The following LTBP1 variants were observed in gnomAD, a reference collection of about 807,000 sequenced individuals.
LTBP1 encodes the protein latent transforming growth factor beta binding protein 1.
A neutral mutation model predicts 207.6 loss-of-function variants in LTBP1; 129 were observed. The ratio of observed to expected loss-of-function variants is 0.62; its 90% CI spans 0.54 to 0.72. The LOEUF (loss-of-function observed/expected upper bound fraction) is 0.72. Among genes scored for constraint, LTBP1 ranks in the 30% least tolerant of loss-of-function variants. The probability of loss-of-function intolerance (pLI) is 0.00; values close to 1 mark genes in which losing one functional copy is unlikely to be tolerated. For synonymous variants in LTBP1, 963 were observed against 833.7 expected, an observed-to-expected ratio of 1.16 and a Z score of -2.67; for missense variants, 2,281 against 2,217.2, an observed-to-expected ratio of 1.03 and a Z score of -0.58.
chr2:33,128,378 GA>G (rs2081570562), intron 4 of LTBP1, among the ~76,000 whole-genome samples: 1 of 152,230 alleles, frequency 6.6e-6, no homozygotes, highest in Non-Finnish European at 1.5e-5. Flanking sequence ...ATGCGTAGTA[GA>G]GATGGAAGAC....
intron 5 of LTBP1, among the ~76,000 whole-genome samples, chr2:33,141,471 T>A (rs532293852): frequency 6.6e-6 from 1 of 152,192 alleles, no homozygotes; most frequent in Non-Finnish European, 1.5e-5. Flanking sequence ...TTTAAAAATA[T>A]AGTATATGTG....
intron 4 of LTBP1, among the ~76,000 whole-genome samples, chr2:33,129,149 G>A (rs2081611182): frequency 6.6e-6 from 1 of 152,230 alleles, no homozygotes; most frequent in South Asian, 2.1e-4. Flanking sequence ...GGTAATAAAA[G>A]TGGAGAACGA....
At chr2:33,204,190 T>A (rs575659316) in intron 7 of LTBP1, among the ~76,000 whole-genome samples, 3 of 152,222 alleles carry the variant, frequency 2.0e-5, no homozygotes, top group East Asian at 1.9e-4. Context: ...ACTGTTTTTT[T>A]CCTTTCTCAT....
At chr2:33,187,743 T>A (rs2087363369) in intron 6 of LTBP1, among the ~76,000 whole-genome samples, 1 of 152,210 alleles carries the variant, frequency 6.6e-6, no homozygotes, top group Non-Finnish European at 1.5e-5. Context: ...AGATATAAAA[T>A]AATGCACTTT....
chr2:33,157,891 C>A (rs2084107625), intron 5 of LTBP1, among the ~76,000 whole-genome samples: 1 of 152,038 alleles, frequency 6.6e-6, no homozygotes, highest in Non-Finnish European at 1.5e-5. Context: ...CCTGTAATCC[C>A]AGCACTTTGG....
chr2:32,991,268 T>C (rs563561273), intron 2 of LTBP1, among the ~76,000 whole-genome samples: 1 of 152,362 alleles, frequency 6.6e-6, no homozygotes, highest in Admixed American at 6.5e-5. Flanking sequence ...AAATGGATCT[T>C]AGGTGGCCAG....
chr2:33,070,788 G>T (rs916963086), intron 3 of LTBP1, among the ~76,000 whole-genome samples: 1 of 152,172 alleles, frequency 6.6e-6, no homozygotes, highest in African/African-American at 2.4e-5. Flanking sequence ...GCTCAGAGGA[G>T]ACCCCAGTAG....
chr2:33,147,226 A>G (rs936520032), intron 5 of LTBP1, among the ~76,000 whole-genome samples: 4 of 152,174 alleles, frequency 2.6e-5, no homozygotes, highest in Non-Finnish European at 5.9e-5. Flanking sequence ...GGATATGTGT[A>G]TTTTGAAAAC....
chr2:33,321,727 A>C (rs1481665116), intron 24 of LTBP1, among the ~76,000 whole-genome samples: 4 of 152,218 alleles, frequency 2.6e-5, no homozygotes, highest in Non-Finnish European at 5.9e-5. Flanking sequence ...TGCTTAGCCC[A>C]AGATTTTCAG....
intron 21 of LTBP1, among the ~76,000 whole-genome samples, chr2:33,301,084 G>T (rs2093981247): frequency 6.6e-6 from 1 of 152,172 alleles, no homozygotes; most frequent in South Asian, 2.1e-4. Flanking sequence ...TGTTCCTACA[G>T]CTGATAGTGA....
intron 24 of LTBP1, among the ~76,000 whole-genome samples, chr2:33,321,506 G>A (rs2094354131): frequency 6.6e-6 from 1 of 152,206 alleles, no homozygotes; most frequent in South Asian, 2.1e-4. Context: ...GGGAGCAGAC[G>A]TGGGGTTTGT....
intron 24 of LTBP1, among the ~76,000 whole-genome samples, chr2:33,322,398 G>A (rs990970365): frequency 1.3e-5 from 2 of 152,170 alleles, no homozygotes; most frequent in African/African-American, 4.8e-5. Context: ...ATTGTAAGCA[G>A]TGTTTTTGTA....
At chr2:33,036,251 T>G (rs1189806938) in intron 3 of LTBP1, among the ~76,000 whole-genome samples, 1 of 152,112 alleles carries the variant, frequency 6.6e-6, no homozygotes, top group Non-Finnish European at 1.5e-5. Context: ...GTGGAGAATT[T>G]GGGTGGCTGA....
At chr2:33,054,355 A>G (rs960166267) in intron 3 of LTBP1, among the ~76,000 whole-genome samples, 1 of 152,178 alleles carries the variant, frequency 6.6e-6, no homozygotes, top group Admixed American at 6.5e-5. Context: ...ATTGCCTTTG[A>G]TAAGGAAAAA....
chr2:32,963,870 G>T (rs940299119), intron 2 of LTBP1, among the ~76,000 whole-genome samples: 28 of 152,132 alleles, frequency 1.8e-4, no homozygotes, highest in African/African-American at 6.5e-4. Context: ...TGAGGGCCCT[G>T]AGTTTAAAGT....
chr2:33,122,962 T>C (rs1352702163), intron 4 of LTBP1, among the ~76,000 whole-genome samples: 1 of 152,188 alleles, frequency 6.6e-6, no homozygotes, highest in Non-Finnish European at 1.5e-5. Context: ...TCTACTCTGC[T>C]CTCTAACAGC....
intron 31 of LTBP1, among the ~76,000 whole-genome samples, chr2:33,371,921 C>T (rs112146039): frequency 5.3e-5 from 8 of 152,326 alleles, no homozygotes; most frequent in East Asian, 3.9e-4. Context: ...CCACCCAGCA[C>T]GTGGACCATC....
intron 1 of LTBP1, among the ~76,000 whole-genome samples, chr2:32,948,062 A>G (rs1277699271): frequency 6.6e-6 from 1 of 152,068 alleles, no homozygotes. Flanking sequence ...GGTAAACACA[A>G]AAGGCATTTC....
intron 3 of LTBP1, among the ~76,000 whole-genome samples, chr2:33,055,654 ACAT>A (rs2076959985): frequency 6.6e-6 from 1 of 152,208 alleles, no homozygotes; most frequent in Non-Finnish European, 1.5e-5. Flanking sequence ...CAGTAGCATG[ACAT>A]CTCTCCAAGT....
Sources: allele counts gnomAD v4.1 joint callset (sites outside exome capture counted in the v4.1 genomes callset), GRCh38; gene constraint gnomAD v4.1.1; transcripts MANE v1.5; gene names NCBI Gene and HGNC (gene_info 2026-07-23, HGNC 2026-07-21).